SPATA9: variants seen among roughly 807,000 people sequenced by gnomAD.
The protein encoded by SPATA9 is spermatogenesis associated 9.
Under a neutral mutation model 25.5 loss-of-function variants are expected in SPATA9, and 27 were observed. The ratio of observed to expected loss-of-function variants is 1.06; its 90% CI spans 0.78 to 1.46. The LOEUF (loss-of-function observed/expected upper bound fraction) is 1.46. Among genes scored for constraint, SPATA9 ranks in the 40% most tolerant of loss-of-function variants. The probability of loss-of-function intolerance (pLI) is 0.00; values close to 1 mark genes in which losing one functional copy is unlikely to be tolerated. For synonymous variants in SPATA9, 102 were observed against 105.7 expected (o/e 0.97, Z 0.21); for missense variants, 282 against 297.5 (o/e 0.95, Z 0.38).
chr5:95,676,797 A>G (rs1752983663), intron 2 of SPATA9, among the ~76,000 whole-genome samples: 1 of 152,174 alleles, frequency 6.6e-6, no homozygotes, highest in Non-Finnish European at 1.5e-5. Flanking sequence ...AACTTATGTC[A>G]GATCATATTT....
chr5:95,710,247 G>A, the SPATA9 span, among the ~76,000 whole-genome samples: 1 of 152,188 alleles, frequency 6.6e-6, no homozygotes, highest in Non-Finnish European at 1.5e-5. Context: ...GGGTGGGCCA[G>A]TTTCGGTAGT....
the SPATA9 span, among the ~76,000 whole-genome samples, chr5:95,720,593 C>T: frequency 6.6e-6 from 1 of 151,448 alleles, no homozygotes; most frequent in African/African-American, 2.4e-5. Context: ...TACTACAATG[C>T]TTGTGCTGAA....
intron 3 of SPATA9, among the ~76,000 whole-genome samples, chr5:95,671,464 G>A (rs1561403759): frequency 6.6e-6 from 1 of 152,144 alleles, no homozygotes; most frequent in Admixed American, 6.5e-5. Context: ...AGACTGGAGT[G>A]CAGTGGCACG....
the SPATA9 span, chr5:95,731,561 C>A: frequency 6.8e-7 from 1 of 1,474,594 alleles, no homozygotes. Flanking sequence ...GCGGTGGAGG[C>A]GCGCGAGGGG....
the SPATA9 span, chr5:95,717,739 G>T: frequency 1.3e-5 from 2 of 152,154 alleles, no homozygotes; most frequent in African/African-American, 2.4e-5. Context: ...CGGGCCTGGA[G>T]GGACAAACAA....
At chr5:95,698,928 A>T (rs923695327), upstream of SPATA9, among the ~76,000 whole-genome samples, 1 of 152,194 alleles carries the variant, frequency 6.6e-6, no homozygotes, top group African/African-American at 2.4e-5. Context: ...TGAATGCAAC[A>T]ACATAACTAT....
At position 95,658,575 on chromosome 5, in the gene SPATA9, G is replaced by C; in HGVS notation, c.*48C>G. ...GACTCTGAGTTTTGTCAGATGAAAT[G>C]TGCCATTAAATAGATAACTCTTAAG... On this transcript the variant is annotated 3_prime_UTR_variant, in exon 5 of 5. Transcript: ENST00000274432. 6.5e-7 allele frequency: 1 copy of C among 1,545,040 alleles called. No homozygotes were observed. The highest frequency in any genetic ancestry group is 8.7e-7 in the Non-Finnish European group (1 of 1,149,156).
At chr5:95,731,597 C>A in the SPATA9 span, 1 of 1,586,186 alleles carries the variant, frequency 6.3e-7, no homozygotes, top group Non-Finnish European at 8.6e-7. Context: ...GAGCGGATTG[C>A]GGGTGAACTC....
In SPATA9 at chr5:95,690,955, G is replaced by T. The variant is rs1294282797; in HGVS notation, n.124+7633C>A. Among the ~76,000 whole-genome samples the T allele has an allele frequency of 2.6e-5, 4 of 152,166 alleles. No individual in the cohort carries two copies. The East Asian group carries it at 7.7e-4, about 29-fold the overall frequency. On this transcript the variant is annotated intron_variant and non_coding_transcript_variant, in intron 1 of 2. Transcript: ENST00000379990. Reference sequence around the variant, plus strand: ...AAGCTTCTGATTTTCCTTTCAAGGAGTTTTTTTCTAGGCCCTCAGTTATAC... The same window carrying T: ...AAGCTTCTGATTTTCCTTTCAAGGATTTTTTTTCTAGGCCCTCAGTTATAC...
chr5:95,663,221 A>T (rs1381451317), intron 4 of SPATA9, among the ~76,000 whole-genome samples: 1 of 152,208 alleles, frequency 6.6e-6, no homozygotes, highest in Non-Finnish European at 1.5e-5. Context: ...ACAGGCAGTG[A>T]ATGATCTTAA....
chr5:95,704,408 T>G, the SPATA9 span, among the ~76,000 whole-genome samples: 1 of 152,170 alleles, frequency 6.6e-6, no homozygotes, highest in South Asian at 2.1e-4. Flanking sequence ...AATCTTTCTG[T>G]GGAATCAAAA....
downstream of SPATA9, among the ~76,000 whole-genome samples, chr5:95,654,903 T>C (rs1750642425): frequency 6.6e-6 from 1 of 152,030 alleles, no homozygotes; most frequent in Non-Finnish European, 1.5e-5. Context: ...ATTATTTTTA[T>C]AATATAACAA....
chr5:95,705,345 C>T, the SPATA9 span, among the ~76,000 whole-genome samples: 13 of 152,070 alleles, frequency 8.5e-5, no homozygotes, highest in South Asian at 4.2e-4. Context: ...AAAGTTTCAA[C>T]GTGAATTTTG....
the SPATA9 span, chr5:95,731,584 G>GA: frequency 1.0e-5 from 16 of 1,565,346 alleles, no homozygotes; most frequent in Non-Finnish European, 1.4e-5. Context: ...CGCGGCCGGG[G>GA]ATGAGCGGAT....
chr5:95,671,083 A>G (rs942555442), intron 3 of SPATA9, among the ~76,000 whole-genome samples: 14 of 152,120 alleles, frequency 9.2e-5, no homozygotes, highest in African/African-American at 3.4e-4. Context: ...ATGTTCTCCA[A>G]ATAAGTCATG....
the SPATA9 span, among the ~76,000 whole-genome samples, chr5:95,705,346 G>A: frequency 3.3e-5 from 5 of 152,108 alleles, no homozygotes; most frequent in Admixed American, 1.3e-4. Flanking sequence ...AAGTTTCAAC[G>A]TGAATTTTGG....
chr5:95,703,644 TA>T (rs533173151), upstream of SPATA9, among the ~76,000 whole-genome samples: 88 of 143,366 alleles, frequency 6.1e-4, no homozygotes, highest in South Asian at 1.6e-3. Context: ...CAAAAAAAAG[TA>T]AAAAAAAAAA....
chr5:95,685,155 CT>C (rs1302062433), upstream of SPATA9, among the ~76,000 whole-genome samples: 1 of 152,192 alleles, frequency 6.6e-6, no homozygotes, highest in Non-Finnish European at 1.5e-5. Flanking sequence ...GGAAACAATA[CT>C]TGATGAACAT....
downstream of SPATA9, among the ~76,000 whole-genome samples, chr5:95,653,531 T>C (rs1000616537): frequency 1.3e-5 from 2 of 152,254 alleles, no homozygotes; most frequent in East Asian, 3.8e-4. Flanking sequence ...TAGCCTCAGA[T>C]TGAGGAATCC....
Sources: gnomAD v4.1 joint callset for allele counts (sites outside exome capture counted in the v4.1 genomes callset) on GRCh38, gnomAD v4.1.1 for gene constraint, MANE v1.5 for transcripts, NCBI Gene and HGNC (gene_info 2026-07-23, HGNC 2026-07-21) for gene names.